SLC9A2: variants seen among roughly 807,000 people sequenced by gnomAD.
The protein encoded by SLC9A2 is sodium/hydrogen exchanger 2.
Under a neutral mutation model 71.7 loss-of-function variants are expected in SLC9A2, and 42 were observed. The ratio of observed to expected loss-of-function variants is 0.59; its 90% CI spans 0.46 to 0.76. The LOEUF (loss-of-function observed/expected upper bound fraction) is 0.76. Among genes scored for constraint, SLC9A2 ranks in the 30% least tolerant of loss-of-function variants. The probability of loss-of-function intolerance (pLI) is 0.00; values close to 1 mark genes in which losing one functional copy is unlikely to be tolerated. For synonymous variants in SLC9A2, 396 were observed against 392.5 expected, an observed-to-expected ratio of 1.01 and a Z score of -0.10; for missense variants, 829 against 1,017.4, an observed-to-expected ratio of 0.81 and a Z score of 2.52.
intron 1 of SLC9A2, among the ~76,000 whole-genome samples, chr2:102,626,917 T>C (rs1309096346): frequency 6.6e-6 from 1 of 152,144 alleles, no homozygotes; most frequent in Non-Finnish European, 1.5e-5. Context: ...ATAACAATAC[T>C]CAGCTTTATT....
At chr2:102,666,159 C>G (rs909973800) in intron 3 of SLC9A2, among the ~76,000 whole-genome samples, 1 of 149,750 alleles carries the variant, frequency 6.7e-6, no homozygotes, top group African/African-American at 2.5e-5. Flanking sequence ...GCAAAATCAG[C>G]GAATGAGAGT....
intron 1 of SLC9A2, among the ~76,000 whole-genome samples, chr2:102,652,101 T>C (rs1209708269): frequency 6.6e-6 from 1 of 152,202 alleles, no homozygotes; most frequent in Non-Finnish European, 1.5e-5. Flanking sequence ...TTAGTCAACA[T>C]TTTAAAAGAA....
rs770888329 is a variant in SLC9A2 at position 102,657,775 on chromosome 2, C to T, written c.501C>T (p.Gly167=). Residue 167 remains glycine, a synonymous_variant, in exon 2 of 12, where the codon GGC becomes GGT. Transcript: ENST00000233969. The part of the protein sequence containing the change: ...MPTRPFFENI[G]TIFWYAVVGT... ...CTCGCCCATTCTTTGAGAACATTGG[C>T]ACGATTTTCTGGTATGCTGTGGTAG... is the stretch of plus-strand genomic sequence containing the variant. The T allele has an allele frequency of 1.2e-6, 2 of 1,614,228 alleles. No homozygotes were observed. Among genetic ancestry groups the T allele is most frequent in the South Asian group, 2.2e-5 (2 of 91,084 alleles).
At chr2:102,666,078 T>G (rs528003982) in intron 3 of SLC9A2, among the ~76,000 whole-genome samples, 1 of 152,198 alleles carries the variant, frequency 6.6e-6, no homozygotes, top group East Asian at 1.9e-4. Flanking sequence ...GGATATTCAT[T>G]GGCATAACCT....
intron 5 of SLC9A2, among the ~76,000 whole-genome samples, chr2:102,693,554 G>C (rs1293113819): frequency 6.6e-6 from 1 of 152,150 alleles, no homozygotes; most frequent in Non-Finnish European, 1.5e-5. Flanking sequence ...CATTTCCGGA[G>C]TTCACTCATG....
chr2:102,648,905 T>G (rs1573407041), intron 1 of SLC9A2, among the ~76,000 whole-genome samples: 1 of 152,230 alleles, frequency 6.6e-6, no homozygotes, highest in Non-Finnish European at 1.5e-5. Flanking sequence ...ATGTCTATAC[T>G]GCCCAAAGTA....
At chr2:102,705,824 A>G in intron 10 of SLC9A2, 22 bp from the exon 11 acceptor site, 1 of 1,454,126 alleles carries the variant, frequency 6.9e-7, no homozygotes, top group Non-Finnish European at 9.5e-7. Flanking sequence ...AGTTTAAGTA[A>G]GATTTTATAT....
At chr2:102,682,282 C>A (rs1677467809) in intron 3 of SLC9A2, among the ~76,000 whole-genome samples, 2 of 152,204 alleles carry the variant, frequency 1.3e-5, no homozygotes, top group Admixed American at 1.3e-4. Context: ...CTGTGGGTGG[C>A]ATCTGAGTTG....
chr2:102,704,436 A>G, intron 9 of SLC9A2, 108 bp from the exon 10 acceptor site: 1 of 979,018 alleles, frequency 1.0e-6, no homozygotes, highest in Non-Finnish European at 1.5e-6. Flanking sequence ...ATAAGTGCTT[A>G]GCTGAGGTGC....
intron 1 of SLC9A2, among the ~76,000 whole-genome samples, chr2:102,633,290 G>A (rs1676409171): frequency 6.6e-6 from 1 of 152,092 alleles, no homozygotes; most frequent in African/African-American, 2.4e-5. Flanking sequence ...AGTGGCAGAG[G>A]TGGGGCCACA....
chr2:102,624,074 A>G lies in SLC9A2; in HGVS notation c.289+3937A>G, dbSNP rs530911327. ...AATCAACATCCTAATTACTTGGTCC[A>G]GAAAAAGTAGTTTTGTAATTATAAC... On this transcript the variant is annotated intron_variant, in intron 1 of 11. Transcript: ENST00000233969. Among the ~76,000 whole-genome samples, 196 of 152,284 alleles carry G rather than the reference A, an allele frequency of 1.3e-3. 1 individual carries two copies. Among genetic ancestry groups the G allele is most frequent in the Admixed American group, 4.5e-3 (69 of 15,296 alleles).
rs1056102070 is a variant in SLC9A2, at chr2:102,709,661, C to G, written c.*1172C>G. On this transcript the variant is annotated 3_prime_UTR_variant, in exon 12 of 12. Coordinates refer to ENST00000233969, the MANE Select transcript of SLC9A2 (RefSeq NM_003048.6). Reference sequence around the variant, plus strand: ...CTCTCCCCATTCGATAATATAGTAACTCAGAATTTTCATATAAAATTGAAT... The same window carrying G: ...CTCTCCCCATTCGATAATATAGTAAGTCAGAATTTTCATATAAAATTGAAT... 1.3e-5 allele frequency: 2 copies of G among 152,692 alleles called. No individual in the cohort carries two copies. The highest frequency in any genetic ancestry group is 1.3e-4 in the Admixed American group (2 of 15,266). The allele number at this position is 152,692 out of a possible 1,614,324, so 9.5% of individuals were successfully genotyped here.
chr2:102,635,182 C>T (rs139845936), intron 1 of SLC9A2, among the ~76,000 whole-genome samples: 7 of 152,318 alleles, frequency 4.6e-5, no homozygotes, highest in Non-Finnish European at 1.0e-4. Context: ...AAGCGTGCAT[C>T]GGCTGACTGT....
chr2:102,662,703 G>T (rs1196229858), intron 2 of SLC9A2, among the ~76,000 whole-genome samples: 1 of 152,038 alleles, frequency 6.6e-6, no homozygotes, highest in East Asian at 1.9e-4. Context: ...GAATAAACAC[G>T]GTGTGTTTTA....
At chr2:102,663,991 A>G (rs563587838) in intron 2 of SLC9A2, among the ~76,000 whole-genome samples, 1 of 152,210 alleles carries the variant, frequency 6.6e-6, no homozygotes, top group East Asian at 1.9e-4. Context: ...GAACTAAACA[A>G]CAGGCTGGGC....
chr2:102,620,065 C>T lies in SLC9A2; in HGVS notation c.217C>T (p.Leu73=). Residue 73 remains leucine (L), a synonymous_variant, in exon 1 of 12, where the codon CTG becomes TTG. Transcript: ENST00000233969. ...FEESRLPVFT[L]DYPHVQIPFE... ...GGAGAGCCGGCTGCCTGTGTTTACG[C>T]TGGATTACCCCCACGTGCAGATCCC... The T allele has an allele frequency of 6.2e-7, 1 of 1,614,048 alleles. No homozygotes were observed. Among genetic ancestry groups the T allele is most frequent in the East Asian group, 2.2e-5 (1 of 44,830 alleles).
intron 3 of SLC9A2, among the ~76,000 whole-genome samples, chr2:102,676,821 G>A (rs113191653): frequency 6.6e-6 from 1 of 152,192 alleles, no homozygotes; most frequent in Non-Finnish European, 1.5e-5. Context: ...TTTTTAATTG[G>A]TCTTCATCAT....
Position 102,708,123 on chromosome 2 carries a change from C to T in SLC9A2, c.2073C>T (p.Gly691=). The part of the protein sequence containing the change: ...QKRRTISIAD[G]NSSDSDADAG... The stretch of plus-strand genomic sequence containing the variant: ...TTGTCTTTTGCTCCGTGATAGATGG[C>T]AATAGCAGCGACTCAGACGCAGATG... Residue 691 remains glycine, a synonymous_variant, in exon 12 of 12, where the codon GGC becomes GGT. Coordinates refer to ENST00000233969, the MANE Select transcript of SLC9A2 (RefSeq NM_003048.6). 6.2e-7 allele frequency: 1 copy of T among 1,610,438 alleles called. No individual in the cohort carries two copies. The highest frequency in any genetic ancestry group is 8.5e-7 in the Non-Finnish European group (1 of 1,178,400).
intron 9 of SLC9A2, 103 bp downstream of exon 9, chr2:102,702,605 G>A: frequency 1.5e-6 from 1 of 689,528 alleles, no homozygotes; most frequent in Non-Finnish European, 2.6e-6. Context: ...ACTGGGCTCA[G>A]CAGGTCCCAT....
Sources: allele counts gnomAD v4.1 joint callset (sites outside exome capture counted in the v4.1 genomes callset), GRCh38; gene constraint gnomAD v4.1.1; transcripts MANE v1.5; gene names NCBI Gene and HGNC (gene_info 2026-07-23, HGNC 2026-07-21).